The following DIP2C variants were observed in gnomAD, a reference collection of about 807,000 sequenced individuals.
DIP2C encodes disco-interacting protein 2 homolog C.
Under a neutral mutation model 192.4 loss-of-function variants are expected in DIP2C, and 33 were observed. The observed-to-expected ratio is 0.17, with a 90% CI of 0.13 to 0.23. The LOEUF (loss-of-function observed/expected upper bound fraction) is 0.23, where lower values mean the gene tolerates loss of function less well. Ranked by LOEUF, DIP2C falls within the 10% of genes least tolerant of loss-of-function variation. The pLI is 1.00. For missense variants in DIP2C, 1,537 were observed against 2,110.1 expected (o/e 0.73, Z 5.32); for synonymous variants, 979 against 864.1 (o/e 1.13, Z -2.33).
chr10:370,859 A>G (rs1000054258), intron 17 of DIP2C, among the ~76,000 whole-genome samples: 5 of 152,254 alleles, frequency 3.3e-5, no homozygotes, highest in Non-Finnish European at 7.3e-5. Flanking sequence ...ATAAAAGTTA[A>G]TATTTGGAAA....
At position 345,035 on chromosome 10, in the gene DIP2C, C is replaced by T. The variant is rs777145338; in HGVS notation, c.3307G>A (p.Val1103Met). The change falls in exon 27 of 37, where the codon GTG (valine) becomes ATG (methionine). Residue 1103 changes from valine (V) to methionine (M), a missense_variant. Physicochemically the swap from Val to Met is conservative, Grantham distance 21 (BLOSUM62 1). This residue lies in a region of DIP2C where 677 missense variants were observed against 989.9 expected (regional missense o/e 0.68). Transcript: ENST00000280886. ...ATGAGGGGCCACGTCCTGACGTCCACAGCCGCCGCCGCCTCCCTGGACCGC... is the reference window on the plus strand; with the variant it reads ...ATGAGGGGCCACGTCCTGACGTCCATAGCCGCCGCCGCCTCCCTGGACCGC... ...LLRSREAAAA[V>M]DVRTWPLILD... 2.5e-6 allele frequency: 4 copies of T among 1,613,498 alleles called. No individual in the cohort carries two copies. In the South Asian group the frequency reaches 4.4e-5, roughly 18 times the overall value.
intron 22 of DIP2C, among the ~76,000 whole-genome samples, chr10:359,232 G>A (rs557264792): frequency 1.1e-4 from 17 of 152,324 alleles, no homozygotes; most frequent in South Asian, 4.1e-4. Flanking sequence ...AGGGCCTGAC[G>A]TCCTCTAGCC....
chr10:279,195 G>A lies in DIP2C; in HGVS notation c.4419-1618C>T, dbSNP rs993662083. ...GCTGTTTCCCAGAGGACGTGCTGGC[G>A]CTTAATTCCTGTCATACTGCTCCTG... On this transcript the variant is annotated intron_variant, in intron 36 of 36. Coordinates refer to ENST00000280886, the MANE Select transcript of DIP2C (RefSeq NM_014974.3). 7.4e-4 allele frequency among the ~76,000 whole-genome samples: 113 copies of A among 152,284 alleles called. 1 individual carries two copies. The highest frequency in any genetic ancestry group is 2.6e-3 in the African/African-American group (108 of 41,564).
intron 1 of DIP2C, among the ~76,000 whole-genome samples, chr10:584,969 C>A (rs1466677002): frequency 7.0e-6 from 1 of 142,942 alleles, no homozygotes; most frequent in Non-Finnish European, 1.5e-5. Context: ...GCGACCTGAC[C>A]CCCACTCACG....
At chr10:281,127 G>A (rs928702300) in intron 36 of DIP2C, 73 bp downstream of exon 36, 17 of 1,584,594 alleles carry the variant, frequency 1.1e-5, no homozygotes, top group African/African-American at 2.7e-5. Context: ...CTCCACCGCC[G>A]TGCTCTCCAC....
At chr10:281,408 G>A (rs1471514572) in intron 35 of DIP2C, 85 bp from the exon 36 acceptor site, 12 of 1,494,998 alleles carry the variant, frequency 8.0e-6, no homozygotes, top group South Asian at 4.1e-5. Context: ...GATTAAAAAC[G>A]ACCCCCAAGT....
intron 6 of DIP2C, among the ~76,000 whole-genome samples, chr10:418,421 C>A (rs957079683): frequency 6.6e-6 from 1 of 151,874 alleles, no homozygotes; most frequent in African/African-American, 2.4e-5. Flanking sequence ...CAGCTTCACA[C>A]AAGGGCATTG....
chr10:294,606 A>G (rs1186361028), intron 32 of DIP2C, among the ~76,000 whole-genome samples: 2 of 152,030 alleles, frequency 1.3e-5, no homozygotes, highest in Non-Finnish European at 2.9e-5. Flanking sequence ...AAAAGAAAAA[A>G]AAAAAAGAGA....
chr10:602,026 C>T (rs138303212), intron 1 of DIP2C, among the ~76,000 whole-genome samples: 2 of 151,430 alleles, frequency 1.3e-5, no homozygotes, highest in African/African-American at 4.9e-5. Context: ...TAAAGGGTCA[C>T]CTGCAAGTCA....
At chr10:335,547 C>G (rs995251617) in intron 29 of DIP2C, among the ~76,000 whole-genome samples, 16 of 152,270 alleles carry the variant, frequency 1.1e-4, no homozygotes, top group South Asian at 2.1e-4. Context: ...GTTTCCGTGA[C>G]TCTCACGACA....
intron 5 of DIP2C, among the ~76,000 whole-genome samples, chr10:420,664 G>A (rs936375620): frequency 7.2e-5 from 11 of 152,196 alleles, no homozygotes; most frequent in Admixed American, 2.0e-4. Flanking sequence ...TGCCAAATTG[G>A]CTTGACTCTT....
intron 1 of DIP2C, among the ~76,000 whole-genome samples, chr10:501,964 G>T (rs11252817): frequency 7.3e-4 from 111 of 152,114 alleles, no homozygotes; most frequent in Middle Eastern, 3.4e-3. Context: ...GGGTAACATA[G>T]TGAAACTCCA....
At chr10:294,965 C>A (rs1955678279) in intron 32 of DIP2C, among the ~76,000 whole-genome samples, 1 of 151,914 alleles carries the variant, frequency 6.6e-6, no homozygotes, top group African/African-American at 2.4e-5. Context: ...AACTCAACAG[C>A]AAAGAAAAAC....
chr10:380,309 G>C (rs547390690), intron 17 of DIP2C, among the ~76,000 whole-genome samples: 3 of 151,876 alleles, frequency 2.0e-5, no homozygotes, highest in African/African-American at 7.2e-5. Flanking sequence ...AGAAGAGGCT[G>C]TCCCTGGAAG....
Position 349,973 on chromosome 10 carries a change from ATAGACTT to A in DIP2C, c.2986-526_2986-520del, listed in dbSNP as rs548399762. On this transcript the variant is annotated intron_variant, in intron 24 of 36. Transcript: ENST00000280886. The stretch of plus-strand genomic sequence containing the variant: ...AAAGAACTATCAAACGCATTTTCAC[ATAGACTT>A]TAATGTACAAACAAATAGAAAACAT... Among the ~76,000 whole-genome samples, 43 of 152,380 alleles carry A rather than the reference ATAGACTT, an allele frequency of 2.8e-4. 1 individual carries two copies. The highest frequency in any genetic ancestry group is 1.0e-3 in the African/African-American group (42 of 41,606).
At chr10:609,980 A>T (rs1852962828) in intron 1 of DIP2C, among the ~76,000 whole-genome samples, 2 of 152,034 alleles carry the variant, frequency 1.3e-5, no homozygotes, top group African/African-American at 4.8e-5. Flanking sequence ...CTGCTTGAGA[A>T]CATCAAAGTG....
At position 528,635 on chromosome 10, in the gene DIP2C, T is replaced by C. The variant is rs547358310; in HGVS notation, c.86-42105A>G. Among the ~76,000 whole-genome samples, 3 of 152,320 alleles carry C rather than the reference T, an allele frequency of 2.0e-5. No individual in the cohort carries two copies. In the East Asian group the frequency reaches 5.8e-4, roughly 29 times the overall value. ...GCACGTCACAGTGAGTCTCACTCGC[T>C]GGACTCTCTGCCGACTCCCAGCATC... On this transcript the variant is annotated intron_variant, in intron 1 of 36. Coordinates refer to ENST00000280886, the MANE Select transcript of DIP2C (RefSeq NM_014974.3).
intron 1 of DIP2C, among the ~76,000 whole-genome samples, chr10:621,110 C>T (rs1027960492): frequency 1.3e-5 from 2 of 152,166 alleles, no homozygotes; most frequent in Admixed American, 6.5e-5. Flanking sequence ...AGAGGGAGAC[C>T]CCGACCCAAG....
intron 1 of DIP2C, among the ~76,000 whole-genome samples, chr10:519,808 A>G (rs931133461): frequency 6.6e-6 from 1 of 152,204 alleles, no homozygotes; most frequent in African/African-American, 2.4e-5. Context: ...CACAGCTGTG[A>G]CGTGGAGACA....
Sources: allele counts gnomAD v4.1 joint callset (sites outside exome capture counted in the v4.1 genomes callset), GRCh38; gene constraint gnomAD v4.1.1; regional missense constraint gnomAD v4.1.1; transcripts MANE v1.5; gene names NCBI Gene and HGNC (gene_info 2026-07-23, HGNC 2026-07-21).